SARAF: variants seen among roughly 807,000 people sequenced by gnomAD.
SARAF encodes store-operated calcium entry associated regulatory factor, also known as store-operated calcium entry-associated regulatory factor.
SARAF carries 23 observed loss-of-function variants against 39.7 expected under a neutral mutation model. The ratio of observed to expected loss-of-function variants is 0.58; its 90% CI spans 0.42 to 0.82. SARAF has a LOEUF of 0.82. Among genes scored for constraint, SARAF ranks in the 40% least tolerant of loss-of-function variants. The pLI, the probability that SARAF is intolerant of heterozygous loss-of-function variation, is 0.00. For missense variants in SARAF, 384 were observed against 418.5 expected, an observed-to-expected ratio of 0.92 and a Z score of 0.72; for synonymous variants, 175 against 168.5, an observed-to-expected ratio of 1.04 and a Z score of -0.30.
In SARAF at chr8:30,082,627, CGTCCCGCCCCGCCCACTCGAGCA is replaced by C. The variant is rs1168618911; in HGVS notation, c.103+197_103+219del. 1.1e-5 allele frequency: 5 copies of C among 454,106 alleles called. No individual in the cohort carries two copies. The East Asian group carries it at 1.5e-4, about 13-fold the overall frequency. The allele number at this position is 454,106 out of a possible 1,614,324, so 28.1% of individuals were successfully genotyped here. On this transcript the variant is annotated intron_variant, in intron 1 of 5. Coordinates refer to ENST00000256255, the MANE Select transcript of SARAF (RefSeq NM_016127.6). ...AAAGGGGACCTTAAGGATCTCCAGC[CGTCCCGCCCCGCCCACTCGAGCA>C]GTCCCTACCCGCCTCCCAAGACGCC...
At chr8:30,073,772 C>T in intron 2 of SARAF, 105 bp downstream of exon 2, 2 of 952,040 alleles carry the variant, frequency 2.1e-6, no homozygotes, top group South Asian at 1.8e-5. Context: ...TTAGGCTGAT[C>T]TGAGATTTCC....
At chr8:30,064,555 A>ATTTTTTTTTTTT (rs1402020823) in intron 5 of SARAF, among the ~76,000 whole-genome samples, 3 of 52,510 alleles carry the variant, frequency 5.7e-5, no homozygotes, top group East Asian at 8.2e-4. Flanking sequence ...ATATATATAT[A>ATTTTTTTTTTTT]TATATATTTT....
chr8:30,082,723 G>A (rs1270210206), intron 1 of SARAF, 124 bp downstream of exon 1: 1 of 700,290 alleles, frequency 1.4e-6, no homozygotes, highest in East Asian at 3.3e-5. Context: ...AAAGAGGTCA[G>A]ACATGGGGAA....
At position 30,068,235 on chromosome 8, in the gene SARAF, C is replaced by T. The variant is rs57825168; in HGVS notation, c.701-1317G>A. Among the ~76,000 whole-genome samples, 414 of 152,314 alleles carry T rather than the reference C, an allele frequency of 2.7e-3. 1 individual carries two copies. Among genetic ancestry groups the T allele is most frequent in the African/African-American group, 9.5e-3 (393 of 41,568 alleles). On this transcript the variant is annotated intron_variant, in intron 3 of 5. Coordinates refer to ENST00000256255, the MANE Select transcript of SARAF (RefSeq NM_016127.6). The stretch of plus-strand genomic sequence containing the variant: ...TCTATTTAAAGCCACTCCCCCATCA[C>T]TTGCATTACTACCTGAGCTCAGCCT...
At chr8:30,071,291 A>G (rs905101273) in intron 2 of SARAF, among the ~76,000 whole-genome samples, 1 of 152,208 alleles carries the variant, frequency 6.6e-6, no homozygotes, top group Non-Finnish European at 1.5e-5. Context: ...GGTTGCAGTG[A>G]GCCAAGATCA....
intron 4 of SARAF, 79 bp from the exon 5 acceptor site, chr8:30,066,218 C>A: frequency 1.4e-6 from 2 of 1,384,318 alleles, no homozygotes; most frequent in Non-Finnish European, 2.0e-6. Flanking sequence ...CCTAAACTGT[C>A]AGAAAAAAAT....
At chr8:30,071,260 C>T (rs533331294) in intron 2 of SARAF, among the ~76,000 whole-genome samples, 2 of 152,210 alleles carry the variant, frequency 1.3e-5, no homozygotes, top group South Asian at 2.1e-4. Context: ...GGCAGGAGAA[C>T]GACTTGAACC....
chr8:30,080,640 T>G (rs191372772), intron 1 of SARAF, among the ~76,000 whole-genome samples: 1 of 152,232 alleles, frequency 6.6e-6, no homozygotes, highest in Non-Finnish European at 1.5e-5. Flanking sequence ...AGTAACTTAA[T>G]ATAAGATTAC....
intron 1 of SARAF, among the ~76,000 whole-genome samples, chr8:30,076,089 TTCCCAGA>T (rs1425511742): frequency 1.3e-5 from 2 of 151,424 alleles, no homozygotes; most frequent in Non-Finnish European, 2.9e-5. Context: ...GGAAGCCATA[TTCCCAGA>T]TCCTCTCCCC....
At chr8:30,082,052 T>C (rs1802112977) in intron 1 of SARAF, among the ~76,000 whole-genome samples, 1 of 152,076 alleles carries the variant, frequency 6.6e-6, no homozygotes, top group Non-Finnish European at 1.5e-5. Context: ...AGGCAGCGGT[T>C]CTCATAAAGA....
At chr8:30,075,673 T>C (rs1801941794) in intron 1 of SARAF, among the ~76,000 whole-genome samples, 1 of 152,136 alleles carries the variant, frequency 6.6e-6, no homozygotes, top group South Asian at 2.1e-4. Flanking sequence ...GAACAATCTA[T>C]TTTTCAATGT....
intron 2 of SARAF, 94 bp downstream of exon 2, chr8:30,073,783 G>A (rs1032727377): frequency 3.2e-5 from 35 of 1,091,336 alleles, no homozygotes; most frequent in South Asian, 5.1e-5. Context: ...TGAGATTTCC[G>A]TAGGTGCACC....
chr8:30,063,725 A>G lies in SARAF; in HGVS notation c.*163T>C. On this transcript the variant is annotated 3_prime_UTR_variant, in exon 6 of 6. Transcript: ENST00000256255. ...AGTATTTTGTCACACATCAACTTTT[A>G]GCCTCAAATAATAGAATACAAAAAG... 1.6e-6 allele frequency: 1 copy of G among 645,094 alleles called. No individual in the cohort carries two copies. The highest frequency in any genetic ancestry group is 2.7e-6 in the Non-Finnish European group (1 of 365,230). The allele number at this position is 645,094 out of a possible 1,614,324, so 40.0% of individuals were successfully genotyped here.
upstream of SARAF, chr8:30,083,066 C>G: frequency 2.9e-6 from 2 of 688,162 alleles, no homozygotes; most frequent in East Asian, 3.3e-5. Context: ...GAAGGAACGG[C>G]CCGACTGCAG....
chr8:30,082,936 C>G lies in SARAF; in HGVS notation c.14G>C (p.Cys5Ser). The change falls in exon 1 of 6, where the codon TGC becomes TCC. Residue 5 changes from cysteine to serine, a missense_variant. Physicochemically the swap from Cys to Ser is moderately radical, Grantham distance 112. Transcript: ENST00000256255. MAAA[C>S]GPGAAGYCLL... is the part of the protein sequence containing the mutation. The stretch of plus-strand genomic sequence containing the variant: ...GCAGTACCCGGCCGCTCCCGGCCCG[C>G]AGGCTGCGGCCATGGCGCTCGATGA... 1 of 1,546,014 alleles carries G rather than the reference C, an allele frequency of 6.5e-7. No homozygotes were observed. The highest frequency in any genetic ancestry group is 8.7e-7 in the Non-Finnish European group (1 of 1,146,574).
At chr8:30,069,514 T>C (rs1043303919) in intron 3 of SARAF, 128 bp downstream of exon 3, 2 of 1,012,990 alleles carry the variant, frequency 2.0e-6, no homozygotes, top group Non-Finnish European at 2.9e-6. Flanking sequence ...AAGTTGAAAG[T>C]AAAAAACAAA....
Position 30,074,004 on chromosome 8 carries a change from T to C in SARAF, c.155A>G (p.Tyr52Cys), listed in dbSNP as rs755056265. ...GGGATCCAGCCTGCGGGAGGTGGTATAGCGGTCATAGTGGAGGGTAAGAGC... is the reference window on the plus strand; with the variant it reads ...GGGATCCAGCCTGCGGGAGGTGGTACAGCGGTCATAGTGGAGGGTAAGAGC... Reference protein sequence around the residue: ...VKALTLHYDRYTTSRRLDPIP... With the variant: ...VKALTLHYDRCTTSRRLDPIP... Residue 52 changes from tyrosine (Y) to cysteine (C), a missense_variant, in exon 2 of 6, where the codon TAT (tyrosine) becomes TGT (cysteine). Coordinates refer to ENST00000256255, the MANE Select transcript of SARAF (RefSeq NM_016127.6). 1.9e-5 allele frequency: 31 copies of C among 1,614,204 alleles called. No homozygotes were observed. The highest frequency in any genetic ancestry group is 3.3e-5 in the South Asian group (3 of 91,088).
intron 5 of SARAF, among the ~76,000 whole-genome samples, chr8:30,064,549 ATATATATATATAT>A (rs1244279222): frequency 2.3e-5 from 1 of 43,826 alleles, no homozygotes; most frequent in Non-Finnish European, 3.8e-5. Flanking sequence ...ATATATATAT[ATATATATATATAT>A]TTTTTTTTTT....
chr8:30,069,615 T>C, intron 3 of SARAF, 27 bp downstream of exon 3: 1 of 1,606,006 alleles, frequency 6.2e-7, no homozygotes, highest in Non-Finnish European at 8.5e-7. Flanking sequence ...ACCCGCTCTA[T>C]TTATGGCCAC....
Sources: allele counts gnomAD v4.1 joint callset (sites outside exome capture counted in the v4.1 genomes callset), GRCh38; gene constraint gnomAD v4.1.1; transcripts MANE v1.5; gene names NCBI Gene and HGNC (gene_info 2026-07-23, HGNC 2026-07-21).